The following ITGA2 variants were observed in gnomAD, a reference collection of about 807,000 sequenced individuals.
ITGA2 encodes the protein integrin alpha-2.
Under a neutral mutation model 146.3 loss-of-function variants are expected in ITGA2, and 101 were observed. The ratio of observed to expected loss-of-function variants is 0.69; its 90% CI spans 0.59 to 0.81. The LOEUF (loss-of-function observed/expected upper bound fraction) is 0.81, where lower values mean the gene tolerates loss of function less well. ITGA2 is among the 40% of genes least tolerant of loss of function. ITGA2 has a pLI of 0.00. For synonymous variants in ITGA2, 477 were observed against 487.1 expected (o/e 0.98, Z 0.27); for missense variants, 1,281 against 1,402.7 (o/e 0.91, Z 1.39).
intron 27 of ITGA2, among the ~76,000 whole-genome samples, chr5:53,084,053 C>A (rs1746041997): frequency 6.6e-6 from 1 of 152,156 alleles, no homozygotes; most frequent in Non-Finnish European, 1.5e-5. Flanking sequence ...AAAGCCAAAA[C>A]AATGTCATTG....
At chr5:53,079,588 T>C (rs1476890627) in intron 24 of ITGA2, among the ~76,000 whole-genome samples, 3 of 152,196 alleles carry the variant, frequency 2.0e-5, no homozygotes, top group Non-Finnish European at 4.4e-5. Flanking sequence ...AATACCATTT[T>C]ATTTTTGTTC....
At chr5:53,050,939 T>C (rs1744330293) in intron 6 of ITGA2, among the ~76,000 whole-genome samples, 1 of 152,178 alleles carries the variant, frequency 6.6e-6, no homozygotes, top group Admixed American at 6.6e-5. Flanking sequence ...CACATTGGTT[T>C]TTGTTGTATT....
Position 53,059,915 on chromosome 5 carries a change from T to G in ITGA2, c.1215T>G (p.Ser405Arg), listed in dbSNP as rs756305953. 3 of 1,612,158 alleles carry G rather than the reference T, an allele frequency of 1.9e-6. No individual in the cohort carries two copies. The Admixed American group carries it at 5.0e-5, about 27-fold the overall frequency. The part of the protein sequence containing the change: ...MLGAVGAFGW[S>R]GTIVQKTSHG... ...GTGCAGTGGGAGCTTTTGGCTGGAG[T>G]GGGACCATTGTCCAGAAGACATCTC... Residue 405 changes from serine (S) to arginine (R), a missense_variant, in exon 11 of 30, where the codon AGT becomes AGG. Around this residue, in one of 3 missense-constraint regions of ITGA2, gnomAD observed 795 missense variants for 841.7 expected, o/e 0.94. Coordinates refer to ENST00000296585, the MANE Select transcript of ITGA2 (RefSeq NM_002203.4).
intron 1 of ITGA2, 127 bp downstream of exon 1, chr5:52,989,659 G>A (rs1359291272): frequency 4.9e-6 from 5 of 1,024,658 alleles, no homozygotes; most frequent in Admixed American, 3.8e-5. Flanking sequence ...ACGTGGACTC[G>A]GGCTCCCAGC....
At chr5:53,022,626 G>T (rs919605574) in intron 1 of ITGA2, among the ~76,000 whole-genome samples, 3 of 152,052 alleles carry the variant, frequency 2.0e-5, no homozygotes, top group Admixed American at 2.0e-4. Context: ...CAGTGCAGTG[G>T]TGCCATCATG....
At chr5:53,034,042 G>A (rs1174373125) in intron 2 of ITGA2, among the ~76,000 whole-genome samples, 5 of 151,978 alleles carry the variant, frequency 3.3e-5, no homozygotes, top group South Asian at 4.1e-4. Flanking sequence ...GATTACAGGC[G>A]TGAGCCACCG....
chr5:53,016,448 A>C (rs1742403296), intron 1 of ITGA2, among the ~76,000 whole-genome samples: 2 of 152,160 alleles, frequency 1.3e-5, no homozygotes, highest in African/African-American at 4.8e-5. Flanking sequence ...TCTGCTTATA[A>C]GGTTCGTTGT....
intron 6 of ITGA2, among the ~76,000 whole-genome samples, chr5:53,050,329 T>A (rs1296395041): frequency 6.6e-6 from 1 of 152,178 alleles, no homozygotes; most frequent in Non-Finnish European, 1.5e-5. Context: ...TTAAATCTTT[T>A]TTCTTCTTTT....
At chr5:52,991,505 G>GTGACAGAGC (rs1740953499) in intron 1 of ITGA2, among the ~76,000 whole-genome samples, 1 of 151,988 alleles carries the variant, frequency 6.6e-6, no homozygotes, top group South Asian at 2.1e-4. Context: ...TAAAAGCTAT[G>GTGACAGAGC]TATGTGACAG....
At chr5:52,995,012 T>C (rs1202646796) in intron 1 of ITGA2, among the ~76,000 whole-genome samples, 1 of 152,230 alleles carries the variant, frequency 6.6e-6, no homozygotes, top group African/African-American at 2.4e-5. Context: ...ATGTAAGTGA[T>C]ACTAGAAAAG....
intron 28 of ITGA2, among the ~76,000 whole-genome samples, chr5:53,087,252 C>G (rs958121166): frequency 6.6e-5 from 10 of 152,180 alleles, no homozygotes; most frequent in Admixed American, 1.3e-4. Context: ...CCATGCCCCC[C>G]ACTCATGTCA....
At chr5:53,054,030 A>G (rs903195395) in intron 7 of ITGA2, among the ~76,000 whole-genome samples, 2 of 152,120 alleles carry the variant, frequency 1.3e-5, no homozygotes, top group Non-Finnish European at 2.9e-5. Flanking sequence ...TGTAATTCAA[A>G]TTTGGCCGAA....
At chr5:52,996,244 T>C (rs1285836153) in intron 1 of ITGA2, among the ~76,000 whole-genome samples, 1 of 152,204 alleles carries the variant, frequency 6.6e-6, no homozygotes, top group East Asian at 1.9e-4. Context: ...TTACTTATGG[T>C]GCTGCATGGT....
Position 52,989,483 on chromosome 5 carries a change from G to C in ITGA2, c.15G>C (p.Arg5=), listed in dbSNP as rs1293090451. The change falls in exon 1 of 30, where the codon CGG becomes CGC. Residue 5 remains arginine, a synonymous_variant. Transcript: ENST00000296585. ...TCAGACCCAGGATGGGGCCAGAACGGACAGGGGCCGCGCCGCTGCCGCTGC... is the reference window on the plus strand; with the variant it reads ...TCAGACCCAGGATGGGGCCAGAACGCACAGGGGCCGCGCCGCTGCCGCTGC... The part of the protein sequence containing the change: MGPE[R]TGAAPLPLLL... The C allele has an allele frequency of 6.8e-6, 11 of 1,614,092 alleles. No individual in the cohort carries two copies. The highest frequency in any genetic ancestry group is 9.3e-6 in the Non-Finnish European group (11 of 1,180,036).
At chr5:53,072,923 C>A (rs2112000255) in intron 19 of ITGA2, among the ~76,000 whole-genome samples, 195 bp from the exon 20 acceptor site, 1 of 151,800 alleles carries the variant, frequency 6.6e-6, no homozygotes, top group Non-Finnish European at 1.5e-5. Flanking sequence ...ACAATAGCAA[C>A]AAAGAACAAT....
intron 1 of ITGA2, among the ~76,000 whole-genome samples, chr5:53,014,099 C>T (rs1472387808): frequency 6.6e-6 from 1 of 152,002 alleles, no homozygotes; most frequent in Non-Finnish European, 1.5e-5. Context: ...ATTTCTTTCT[C>T]TTGTTTGATT....
intron 1 of ITGA2, among the ~76,000 whole-genome samples, chr5:53,000,480 T>C (rs1465609974): frequency 6.6e-6 from 1 of 152,218 alleles, no homozygotes; most frequent in East Asian, 1.9e-4. Context: ...GATTATCCTA[T>C]AATTCTTTAT....
chr5:53,050,134 C>T (rs1483803223), intron 6 of ITGA2, among the ~76,000 whole-genome samples: 1 of 152,152 alleles, frequency 6.6e-6, no homozygotes, highest in Non-Finnish European at 1.5e-5. Flanking sequence ...TCCTCTGTTT[C>T]TAAATGAGTT....
chr5:53,059,483 C>T (rs994463718), intron 10 of ITGA2, among the ~76,000 whole-genome samples: 3 of 151,878 alleles, frequency 2.0e-5, no homozygotes, highest in South Asian at 2.1e-4. Flanking sequence ...GTCTCATATC[C>T]GGCTGTGAGC....
Sources: allele counts gnomAD v4.1 joint callset (sites outside exome capture counted in the v4.1 genomes callset), GRCh38; gene constraint gnomAD v4.1.1; regional missense constraint gnomAD v4.1.1; transcripts MANE v1.5; gene names NCBI Gene and HGNC (gene_info 2026-07-23, HGNC 2026-07-21).